The following BBS9 variants were observed in gnomAD, a reference collection of about 807,000 sequenced individuals.
BBS9 encodes the protein Bardet-Biedl syndrome 9.
Under a neutral mutation model 117.7 loss-of-function variants are expected in BBS9, and 89 were observed. The ratio of observed to expected loss-of-function variants is 0.76; its 90% CI spans 0.64 to 0.90. BBS9 has a LOEUF of 0.90. BBS9 is among the 40% of genes least tolerant of loss of function. BBS9 has a pLI of 0.00. For missense variants in BBS9, 982 were observed against 1,042.2 expected, an observed-to-expected ratio of 0.94 and a Z score of 0.80; for synonymous variants, 379 against 370.9, an observed-to-expected ratio of 1.02 and a Z score of -0.25.
At chr7:33,468,018 A>T (rs182728568) in intron 19 of BBS9, among the ~76,000 whole-genome samples, 1 of 152,282 alleles carries the variant, frequency 6.6e-6, no homozygotes, top group African/African-American at 2.4e-5. Context: ...CCAGCCTGCC[A>T]TGTGCTCTGT....
At chr7:33,572,082 C>T (rs1358369540) in intron 21 of BBS9, among the ~76,000 whole-genome samples, 2 of 151,950 alleles carry the variant, frequency 1.3e-5, no homozygotes, top group African/African-American at 2.4e-5. Context: ...ACCTTTTTAT[C>T]CCCTGCTCCT....
intron 19 of BBS9, among the ~76,000 whole-genome samples, chr7:33,396,019 G>A (rs1404151880): frequency 2.6e-5 from 4 of 152,230 alleles, no homozygotes; most frequent in South Asian, 2.1e-4. Context: ...AGGTGAGAAA[G>A]GAGGAGGAAG....
intron 21 of BBS9, among the ~76,000 whole-genome samples, chr7:33,565,593 C>T (rs1483229729): frequency 2.0e-5 from 3 of 151,170 alleles, no homozygotes. Context: ...GTTTTAAATT[C>T]TATATTCAGT....
intron 19 of BBS9, among the ~76,000 whole-genome samples, chr7:33,489,843 TA>T (rs2128992020): frequency 6.6e-6 from 1 of 152,314 alleles, no homozygotes; most frequent in East Asian, 1.9e-4. Flanking sequence ...TCCCCAGAAT[TA>T]AAATTTCTTC....
intron 5 of BBS9, among the ~76,000 whole-genome samples, chr7:33,235,453 A>G (rs1345351535): frequency 6.6e-6 from 1 of 152,154 alleles, no homozygotes; most frequent in Admixed American, 6.6e-5. Flanking sequence ...TATAAACCTT[A>G]TAGTACATTT....
intron 9 of BBS9, among the ~76,000 whole-genome samples, chr7:33,331,038 G>A (rs1813927125): frequency 6.6e-6 from 1 of 152,054 alleles, no homozygotes. Flanking sequence ...CTAGCTAACC[G>A]AATCTAACAG....
At chr7:33,161,870 AGT>A (rs1248843577) in intron 4 of BBS9, among the ~76,000 whole-genome samples, 8 of 152,212 alleles carry the variant, frequency 5.3e-5, no homozygotes, top group Non-Finnish European at 8.8e-5. Flanking sequence ...TCTGATGACC[AGT>A]GATGATGAGC....
intron 21 of BBS9, among the ~76,000 whole-genome samples, chr7:33,587,542 G>C (rs1359762195): frequency 1.3e-5 from 2 of 152,096 alleles, no homozygotes; most frequent in African/African-American, 2.4e-5. Flanking sequence ...AGGATGTATA[G>C]GAGGTAAGAA....
intron 19 of BBS9, 96 bp from the exon 20 acceptor site, chr7:33,505,367 G>A: frequency 1.7e-6 from 2 of 1,175,286 alleles, no homozygotes; most frequent in Non-Finnish European, 2.5e-6. Flanking sequence ...AGTTCATCAA[G>A]TTGTCTTGAA....
intron 21 of BBS9, among the ~76,000 whole-genome samples, chr7:33,584,452 G>A (rs947731153): frequency 6.6e-6 from 1 of 151,780 alleles, no homozygotes; most frequent in African/African-American, 2.4e-5. Flanking sequence ...ATTTTATGTT[G>A]CCTATTAGTT....
intron 9 of BBS9, among the ~76,000 whole-genome samples, chr7:33,334,395 C>A (rs561420585): frequency 2.0e-5 from 3 of 152,048 alleles, no homozygotes; most frequent in Non-Finnish European, 4.4e-5. Context: ...TCTGAGAAGC[C>A]CCCCCCAGAG....
Position 33,542,773 on chromosome 7 carries a change from GTA to G in BBS9, c.2521+8611_2521+8612del, listed in dbSNP as rs112830674. On this transcript the variant is annotated intron_variant, in intron 21 of 22. Transcript: ENST00000242067. ...TATATATACACGTATGTATATGTGA[GTA>G]TATATATATATATGTACACACACAC... Among the ~76,000 whole-genome samples the G allele has an allele frequency of 3.7e-3, 494 of 133,554 alleles. 1 individual carries two copies. Among genetic ancestry groups the G allele is most frequent in the African/African-American group, 9.0e-3 (322 of 35,794 alleles). The allele number at this position is 133,554 out of a possible 152,430, so 87.6% of individuals were successfully genotyped here.
intron 19 of BBS9, among the ~76,000 whole-genome samples, chr7:33,413,899 C>T (rs1382422704): frequency 1.3e-5 from 2 of 152,094 alleles, no homozygotes; most frequent in Non-Finnish European, 2.9e-5. Flanking sequence ...TGGTGCATGC[C>T]TGTAATCCCA....
intron 1 of BBS9, among the ~76,000 whole-genome samples, chr7:33,136,804 G>C (rs1053619167): frequency 2.0e-5 from 3 of 152,114 alleles, no homozygotes; most frequent in Admixed American, 2.0e-4. Flanking sequence ...GATGTGTTTG[G>C]TTTTGGCTCA....
intron 5 of BBS9, among the ~76,000 whole-genome samples, chr7:33,243,846 A>T (rs1020756567): frequency 9.2e-5 from 14 of 152,322 alleles, no homozygotes; most frequent in South Asian, 8.3e-4. Flanking sequence ...ACACTTAGTG[A>T]TGACATTTTT....
intron 5 of BBS9, among the ~76,000 whole-genome samples, chr7:33,210,263 T>C (rs1314450078): frequency 1.3e-5 from 2 of 152,232 alleles, no homozygotes; most frequent in East Asian, 3.8e-4. Context: ...AGATGCTTGA[T>C]ATTATTTCAA....
At chr7:33,231,366 G>T (rs145657346) in intron 5 of BBS9, among the ~76,000 whole-genome samples, 1 of 148,198 alleles carries the variant, frequency 6.7e-6, no homozygotes, top group Non-Finnish European at 1.5e-5. Flanking sequence ...GGTGCTGTTG[G>T]TAGACTGTAT....
At chr7:33,511,533 A>G (rs1298781511) in intron 20 of BBS9, among the ~76,000 whole-genome samples, 1 of 152,108 alleles carries the variant, frequency 6.6e-6, no homozygotes, top group Admixed American at 6.6e-5. Flanking sequence ...TCTTTACTAG[A>G]TATTATCTAT....
intron 1 of BBS9, among the ~76,000 whole-genome samples, chr7:33,142,833 G>A (rs531255156): frequency 6.6e-6 from 1 of 152,162 alleles, no homozygotes; most frequent in Non-Finnish European, 1.5e-5. Context: ...ATTGATGGAT[G>A]TTTAGGTTGG....
Sources: allele counts gnomAD v4.1 joint callset (sites outside exome capture counted in the v4.1 genomes callset), GRCh38; gene constraint gnomAD v4.1.1; transcripts MANE v1.5; gene names NCBI Gene and HGNC (gene_info 2026-07-23, HGNC 2026-07-21).